The following AFAP1L2 variants were observed in gnomAD, a reference collection of about 807,000 sequenced individuals.
AFAP1L2 encodes actin filament-associated protein 1-like 2.
A neutral mutation model predicts 99.3 loss-of-function variants in AFAP1L2; 46 were observed. The ratio of observed to expected loss-of-function variants is 0.46; its 90% CI spans 0.37 to 0.59. AFAP1L2 has a LOEUF of 0.59. Ranked by LOEUF, AFAP1L2 falls within the 20% of genes least tolerant of loss-of-function variation. The probability of loss-of-function intolerance (pLI) is 0.00; values close to 1 mark genes in which losing one functional copy is unlikely to be tolerated. For synonymous variants in AFAP1L2, 397 were observed against 419.1 expected (o/e 0.95, Z 0.64); for missense variants, 959 against 1,034.9 (o/e 0.93, Z 1.01).
chr10:114,355,693 CGGGCACA>C (rs980780185), intron 1 of AFAP1L2, among the ~76,000 whole-genome samples: 5 of 152,090 alleles, frequency 3.3e-5, no homozygotes, highest in Non-Finnish European at 4.4e-5. Context: ...CTGTCGGGTC[CGGGCACA>C]GTGGCTCATA....
downstream of AFAP1L2, among the ~76,000 whole-genome samples, chr10:114,293,712 G>A (rs1478587616): frequency 3.3e-5 from 5 of 151,986 alleles, no homozygotes; most frequent in African/African-American, 1.2e-4. Flanking sequence ...TATTTTCTCT[G>A]AACGATCCTG....
chr10:114,314,656 A>G (rs746587132), intron 6 of AFAP1L2, among the ~76,000 whole-genome samples: 1 of 152,228 alleles, frequency 6.6e-6, no homozygotes, highest in Non-Finnish European at 1.5e-5. Context: ...CCAGGCAAGA[A>G]AAGGTGTTTA....
intron 1 of AFAP1L2, chr10:114,363,192 AACTCTT>A: frequency 1.0e-6 from 1 of 983,858 alleles, no homozygotes; most frequent in Non-Finnish European, 1.2e-6. Flanking sequence ...AAGGAGAGGC[AACTCTT>A]GAAATGTATG....
At chr10:114,318,456 A>C (rs1458498681) in intron 5 of AFAP1L2, among the ~76,000 whole-genome samples, 1 of 152,088 alleles carries the variant, frequency 6.6e-6, no homozygotes, top group African/African-American at 2.4e-5. Context: ...GAAAAAAAAG[A>C]GGCTGGGCAT....
chr10:114,356,518 T>C (rs145298358), intron 1 of AFAP1L2, among the ~76,000 whole-genome samples: 1 of 152,254 alleles, frequency 6.6e-6, no homozygotes, highest in African/African-American at 2.4e-5. Context: ...CTATTTTTCA[T>C]GTTTAAAAAT....
At chr10:114,374,665 T>C (rs778706356) in intron 1 of AFAP1L2, among the ~76,000 whole-genome samples, 3 of 151,634 alleles carry the variant, frequency 2.0e-5, no homozygotes, top group Non-Finnish European at 4.4e-5. Context: ...TGGATGATTC[T>C]AGAAGAAGAA....
intron 8 of AFAP1L2, among the ~76,000 whole-genome samples, chr10:114,309,816 G>A (rs987513204): frequency 3.3e-5 from 5 of 152,082 alleles, no homozygotes; most frequent in African/African-American, 9.6e-5. Flanking sequence ...CTCCCCATTC[G>A]CCCACCCCCG....
intron 7 of AFAP1L2, among the ~76,000 whole-genome samples, chr10:114,313,022 C>G (rs1443850561): frequency 6.6e-6 from 1 of 151,942 alleles, no homozygotes; most frequent in Non-Finnish European, 1.5e-5. Flanking sequence ...GACAGGCTCG[C>G]CAAGGTGGTT....
At chr10:114,335,807 C>CA (rs1437153044) in intron 2 of AFAP1L2, among the ~76,000 whole-genome samples, 1 of 152,018 alleles carries the variant, frequency 6.6e-6, no homozygotes. Flanking sequence ...TATGAATCGT[C>CA]AACACATGGA....
At chr10:114,389,867 T>C (rs1316687293) in intron 1 of AFAP1L2, among the ~76,000 whole-genome samples, 1 of 152,188 alleles carries the variant, frequency 6.6e-6, no homozygotes, top group African/African-American at 2.4e-5. Context: ...TGAGGGGTGG[T>C]GGGGAGTCTC....
chr10:114,403,353 C>G (rs2058400987), intron 1 of AFAP1L2, among the ~76,000 whole-genome samples: 1 of 152,226 alleles, frequency 6.6e-6, no homozygotes. Flanking sequence ...TTTAGGGAAG[C>G]CGGTCCCAAC....
chr10:114,323,781 C>T (rs754414693), intron 4 of AFAP1L2, among the ~76,000 whole-genome samples: 2 of 152,154 alleles, frequency 1.3e-5, no homozygotes, highest in African/African-American at 2.4e-5. Flanking sequence ...AGGGACACAT[C>T]GAAATTTCAG....
chr10:114,360,513 A>ATAGATAGATAGATAGATAGT (rs1554937690), intron 1 of AFAP1L2, among the ~76,000 whole-genome samples: 2,228 of 79,038 alleles, frequency 0.028, 27 homozygotes, highest in East Asian at 0.052. Context: ...AGATAGTTAG[A>ATAGATAGATAGATAGATAGT]TAGATAGATA....
At chr10:114,402,969 C>T (rs1010914958) in intron 1 of AFAP1L2, among the ~76,000 whole-genome samples, 3 of 152,178 alleles carry the variant, frequency 2.0e-5, no homozygotes, top group African/African-American at 4.8e-5. Flanking sequence ...TCCCGAAGGG[C>T]GGAGGGGCCC....
chr10:114,340,749 A>G lies in AFAP1L2; in HGVS notation c.17-18T>C. The stretch of plus-strand genomic sequence containing the variant: ...TTCCAGGGCTAGGGACAGGAAACAG[A>G]AGAAACTTATAGTGGCTGCCCGCTC... On this transcript the variant is annotated intron_variant, in intron 1 of 18. Transcript: ENST00000304129. The G allele has an allele frequency of 6.2e-7, 1 of 1,614,116 alleles. No individual in the cohort carries two copies. The highest frequency in any genetic ancestry group is 1.6e-4 in the Middle Eastern group (1 of 6,062).
In AFAP1L2 at chr10:114,296,938, T is replaced by G. The variant is rs757403094; in HGVS notation, c.2430+40A>C. On this transcript the variant is annotated intron_variant, in intron 18 of 18. Coordinates refer to ENST00000304129, the MANE Select transcript of AFAP1L2 (RefSeq NM_001001936.3). ...AAGATGGGCCCCTACCTTAGTGACA[T>G]TTCTGCTGGCCCCAAGGGAGGCTGG... 4 of 1,613,518 alleles carry G rather than the reference T, an allele frequency of 2.5e-6. No individual in the cohort carries two copies. The Admixed American group carries it at 5.0e-5, about 20-fold the overall frequency.
the AFAP1L2 span, among the ~76,000 whole-genome samples, chr10:114,288,285 G>A: frequency 6.6e-6 from 1 of 152,134 alleles, no homozygotes; most frequent in African/African-American, 2.4e-5. Context: ...GAAGTCCCCT[G>A]CTTTTCCCTC....
At chr10:114,327,246 C>T (rs1423149072) in intron 4 of AFAP1L2, among the ~76,000 whole-genome samples, 1 of 143,418 alleles carries the variant, frequency 7.0e-6, no homozygotes, top group Non-Finnish European at 1.5e-5. Flanking sequence ...TTCACTGCAA[C>T]TTTCAGCTCC....
intron 11 of AFAP1L2, among the ~76,000 whole-genome samples, chr10:114,304,167 A>C (rs1458714999): frequency 6.6e-6 from 1 of 152,210 alleles, no homozygotes; most frequent in African/African-American, 2.4e-5. Flanking sequence ...CACATCAAAG[A>C]CTAAGTGAAC....
Sources: allele counts gnomAD v4.1 joint callset (sites outside exome capture counted in the v4.1 genomes callset), GRCh38; gene constraint gnomAD v4.1.1; transcripts MANE v1.5; gene names NCBI Gene and HGNC (gene_info 2026-07-23, HGNC 2026-07-21).